The following CDH13 variants were observed in gnomAD, a reference collection of about 807,000 sequenced individuals.
CDH13 encodes cadherin-13.
CDH13 carries 24 observed loss-of-function variants against 63.8 expected under a neutral mutation model. The ratio of observed to expected loss-of-function variants is 0.38; its 90% CI spans 0.27 to 0.53. The LOEUF is 0.53. CDH13 is among the 20% of genes least tolerant of loss of function. CDH13 has a pLI of 0.85. For missense variants in CDH13, 1,049 were observed against 903.1 expected, an observed-to-expected ratio of 1.16 and a Z score of -2.07; for synonymous variants, 503 against 355.3, an observed-to-expected ratio of 1.42 and a Z score of -4.67.
intron 1 of CDH13, among the ~76,000 whole-genome samples, chr16:82,704,531 C>G (rs1316483393): frequency 1.3e-5 from 2 of 152,180 alleles, no homozygotes; most frequent in Non-Finnish European, 2.9e-5. Context: ...GATAGACAGG[C>G]AAATCAATAA....
intron 1 of CDH13, among the ~76,000 whole-genome samples, chr16:82,778,238 T>G (rs910431814): frequency 6.6e-6 from 1 of 152,210 alleles, no homozygotes; most frequent in Non-Finnish European, 1.5e-5. Flanking sequence ...TATTCATGCA[T>G]GCTCTGGTAC....
chr16:83,060,558 C>G (rs995766842), intron 3 of CDH13, among the ~76,000 whole-genome samples: 1 of 152,194 alleles, frequency 6.6e-6, no homozygotes, highest in East Asian at 1.9e-4. Flanking sequence ...GAGAGGCAGT[C>G]GAGGTGTAGA....
intron 6 of CDH13, among the ~76,000 whole-genome samples, chr16:83,370,117 G>A (rs540855831): frequency 2.6e-5 from 4 of 152,298 alleles, no homozygotes; most frequent in East Asian, 1.9e-4. Flanking sequence ...GCTAGGCGCG[G>A]TGGCTCACGC....
chr16:83,068,493 G>C (rs1006730414), intron 3 of CDH13, among the ~76,000 whole-genome samples: 3 of 152,120 alleles, frequency 2.0e-5, no homozygotes, highest in Non-Finnish European at 4.4e-5. Context: ...AATAAGGTAA[G>C]GCTGTATGCG....
chr16:83,095,112 A>T (rs940999621), intron 3 of CDH13, among the ~76,000 whole-genome samples: 31 of 152,238 alleles, frequency 2.0e-4, no homozygotes, highest in African/African-American at 6.3e-4. Flanking sequence ...CTGAACAGAA[A>T]TAAAATAACC....
chr16:83,340,953 G>A (rs754284046), intron 5 of CDH13, among the ~76,000 whole-genome samples: 12 of 152,220 alleles, frequency 7.9e-5, no homozygotes, highest in South Asian at 6.2e-4. Flanking sequence ...CCTCATGTCT[G>A]AAGGGGTGGT....
chr16:83,132,611 T>C (rs895506255), intron 4 of CDH13, among the ~76,000 whole-genome samples: 2 of 151,816 alleles, frequency 1.3e-5, no homozygotes, highest in Non-Finnish European at 2.9e-5. Flanking sequence ...GCCCAGCTAA[T>C]TTTTGTATTT....
chr16:83,294,618 GTA>G (rs56063197), intron 5 of CDH13, among the ~76,000 whole-genome samples: 17 of 150,478 alleles, frequency 1.1e-4, no homozygotes, highest in Non-Finnish European at 1.6e-4. Context: ...GTGTGTGTGT[GTA>G]TATATATATG....
intron 4 of CDH13, among the ~76,000 whole-genome samples, chr16:83,143,668 C>G (rs1486270222): frequency 2.0e-5 from 3 of 152,132 alleles, no homozygotes; most frequent in Non-Finnish European, 4.4e-5. Context: ...ATCTCAGGGA[C>G]AAGAATGAGT....
At chr16:83,148,906 A>G (rs1241006420) in intron 4 of CDH13, among the ~76,000 whole-genome samples, 1 of 152,216 alleles carries the variant, frequency 6.6e-6, no homozygotes, top group Non-Finnish European at 1.5e-5. Flanking sequence ...TAGCAATAGT[A>G]GCCTAAAGAA....
intron 1 of CDH13, among the ~76,000 whole-genome samples, chr16:82,852,633 T>C (rs192599): frequency 6.6e-6 from 1 of 152,038 alleles, no homozygotes; most frequent in Non-Finnish European, 1.5e-5. Flanking sequence ...TCAATGACAG[T>C]TCTTATAGCT....
At chr16:83,366,239 A>C (rs868073724) in intron 6 of CDH13, among the ~76,000 whole-genome samples, 2 of 152,230 alleles carry the variant, frequency 1.3e-5, no homozygotes, top group African/African-American at 2.4e-5. Context: ...ACAATTTTCA[A>C]GTATTCCCAA....
At chr16:83,369,280 A>G (rs536874873) in intron 6 of CDH13, among the ~76,000 whole-genome samples, 2 of 152,140 alleles carry the variant, frequency 1.3e-5, no homozygotes, top group East Asian at 3.9e-4. Context: ...TTCTAGTAGC[A>G]GTATATCTCT....
chr16:82,704,513 C>T (rs2031319581), intron 1 of CDH13, among the ~76,000 whole-genome samples: 1 of 152,184 alleles, frequency 6.6e-6, no homozygotes, highest in Admixed American at 6.5e-5. Context: ...ATCTCAAGAC[C>T]TAAGGGAGAT....
chr16:83,710,467 A>C (rs774411188), intron 10 of CDH13: 1 of 152,150 alleles, frequency 6.6e-6, no homozygotes, highest in Non-Finnish European at 1.5e-5. Context: ...ATAGCATTGC[A>C]TGCTGGCCTT....
intron 8 of CDH13, among the ~76,000 whole-genome samples, chr16:83,647,995 C>T (rs145028172): frequency 0.03 from 4,507 of 152,266 alleles, 97 homozygotes; most frequent in Middle Eastern, 0.044. Flanking sequence ...AGCATTATCC[C>T]AGTTCTTCGC....
chr16:83,648,738 A>G (rs527578727), intron 8 of CDH13, among the ~76,000 whole-genome samples: 3 of 152,014 alleles, frequency 2.0e-5, no homozygotes, highest in African/African-American at 4.8e-5. Flanking sequence ...GTATCATTCT[A>G]TCTTTATTCT....
At chr16:83,105,471 A>T (rs186413865) in intron 3 of CDH13, among the ~76,000 whole-genome samples, 106 of 152,282 alleles carry the variant, frequency 7.0e-4, no homozygotes, top group Admixed American at 2.9e-3. Context: ...TGCCAGGGAG[A>T]GGAGAACAGT....
chr16:83,417,437 C>T (rs1278605148), intron 6 of CDH13, among the ~76,000 whole-genome samples: 3 of 152,138 alleles, frequency 2.0e-5, no homozygotes, highest in African/African-American at 7.2e-5. Flanking sequence ...TTGAACTGTC[C>T]TCTTTATCTT....
Sources: gnomAD v4.1 joint callset for allele counts (sites outside exome capture counted in the v4.1 genomes callset) on GRCh38, gnomAD v4.1.1 for gene constraint, MANE v1.5 for transcripts, NCBI Gene and HGNC (gene_info 2026-07-23, HGNC 2026-07-21) for gene names.